Variants in AGBL4 observed in about 807,000 individuals in gnomAD.
AGBL4 encodes cytosolic carboxypeptidase 6.
AGBL4 carries 58 observed loss-of-function variants against 66.4 expected under a neutral mutation model. That is an observed-to-expected ratio of 0.87 (90% confidence interval 0.71 to 1.09). The LOEUF is 1.09. AGBL4 is among the 50% of genes least tolerant of loss of function. AGBL4 has a pLI of 0.00. For missense variants in AGBL4, 579 were observed against 631.0 expected (o/e 0.92, Z 0.88); for synonymous variants, 234 against 222.9 (o/e 1.05, Z -0.44).
intron 3 of AGBL4, among the ~76,000 whole-genome samples, chr1:49,584,646 ACT>A (rs1469764625): frequency 1.3e-5 from 2 of 151,968 alleles, no homozygotes; most frequent in East Asian, 3.9e-4. Flanking sequence ...GCTTATGAAG[ACT>A]CTCTTTAAGA....
intron 3 of AGBL4, among the ~76,000 whole-genome samples, chr1:49,548,961 G>T (rs1652732446): frequency 6.6e-6 from 1 of 151,902 alleles, no homozygotes. Context: ...TTTGTTATTG[G>T]TCTGTTCATG....
chr1:48,940,406 T>C (rs1324569692), intron 5 of AGBL4, among the ~76,000 whole-genome samples: 1 of 151,900 alleles, frequency 6.6e-6, no homozygotes, highest in African/African-American at 2.4e-5. Context: ...GTTGAGGAAA[T>C]TGGCAGAGTT....
chr1:49,621,290 G>A (rs907363660), intron 3 of AGBL4, among the ~76,000 whole-genome samples: 6 of 152,128 alleles, frequency 3.9e-5, no homozygotes, highest in Non-Finnish European at 5.9e-5. Flanking sequence ...AACTTGATGC[G>A]TCCACACTAC....
chr1:49,256,408 G>C (rs557368809), intron 3 of AGBL4, among the ~76,000 whole-genome samples: 3 of 152,058 alleles, frequency 2.0e-5, no homozygotes, highest in South Asian at 4.2e-4. Context: ...TAAACAATTA[G>C]AAAATAAAAT....
chr1:49,119,443 A>C (rs1047432235), intron 4 of AGBL4, among the ~76,000 whole-genome samples: 4 of 152,024 alleles, frequency 2.6e-5, no homozygotes, highest in African/African-American at 9.7e-5. Flanking sequence ...TTCTGCCTTC[A>C]TTTTGTTATT....
chr1:48,937,104 G>A (rs1655544261), intron 5 of AGBL4, among the ~76,000 whole-genome samples: 1 of 152,238 alleles, frequency 6.6e-6, no homozygotes, highest in South Asian at 2.1e-4. Flanking sequence ...ATCTTGAAGT[G>A]AGGCTGGCAG....
chr1:49,814,861 C>A (rs1036924705), intron 2 of AGBL4, among the ~76,000 whole-genome samples: 2 of 151,832 alleles, frequency 1.3e-5, no homozygotes, highest in Non-Finnish European at 2.9e-5. Context: ...TGAAAAGTAG[C>A]CATTAATTTT....
At chr1:49,042,843 T>G (rs1229994795) in intron 5 of AGBL4, among the ~76,000 whole-genome samples, 1 of 152,208 alleles carries the variant, frequency 6.6e-6, no homozygotes, top group Non-Finnish European at 1.5e-5. Context: ...TTGTTTTTCT[T>G]ATTAGCTTTT....
At chr1:49,510,806 A>G (rs1649161950) in intron 3 of AGBL4, among the ~76,000 whole-genome samples, 1 of 150,834 alleles carries the variant, frequency 6.6e-6, no homozygotes, top group Admixed American at 6.6e-5. Flanking sequence ...ACATATGGCT[A>G]GCCAGTTTTC....
At chr1:49,090,170 C>G (rs747446941) in intron 4 of AGBL4, among the ~76,000 whole-genome samples, 4 of 152,046 alleles carry the variant, frequency 2.6e-5, no homozygotes, top group Non-Finnish European at 2.9e-5. Context: ...TCTTTGAGAA[C>G]TGGAACAAGA....
chr1:49,187,945 A>G (rs1159886242), intron 4 of AGBL4, among the ~76,000 whole-genome samples: 2 of 152,106 alleles, frequency 1.3e-5, no homozygotes, highest in Non-Finnish European at 1.5e-5. Flanking sequence ...AGTCTTCCCT[A>G]TACTATTTTC....
chr1:49,662,757 C>T (rs761190450), intron 3 of AGBL4, among the ~76,000 whole-genome samples: 5 of 152,136 alleles, frequency 3.3e-5, no homozygotes, highest in Non-Finnish European at 7.4e-5. Flanking sequence ...TCTAACACTT[C>T]ATAAGCATTG....
At chr1:49,686,645 C>A (rs1294187527) in intron 3 of AGBL4, among the ~76,000 whole-genome samples, 5 of 152,120 alleles carry the variant, frequency 3.3e-5, no homozygotes, top group Non-Finnish European at 1.5e-5. Context: ...AACAGAAGAA[C>A]CTTATCTGTC....
chr1:48,751,254 T>A (rs1424241561), intron 6 of AGBL4, among the ~76,000 whole-genome samples: 1 of 152,142 alleles, frequency 6.6e-6, no homozygotes, highest in Non-Finnish European at 1.5e-5. Flanking sequence ...GCTTTTAAAT[T>A]AAGCAGGAAA....
At chr1:49,243,170 T>G (rs1443018204) in intron 4 of AGBL4, among the ~76,000 whole-genome samples, 2 of 151,718 alleles carry the variant, frequency 1.3e-5, no homozygotes, top group African/African-American at 4.8e-5. Context: ...TTATTTGGAA[T>G]ATCGAAGGAG....
rs117641873 is a variant in AGBL4 at position 49,079,291 on chromosome 1, C to T, written c.378-33491G>A. Among the ~76,000 whole-genome samples, 344 of 152,246 alleles carry T rather than the reference C, an allele frequency of 2.3e-3. 11 individuals are homozygous for T. In the East Asian group the frequency reaches 0.058, roughly 26 times the overall value. ...GTCAAGGTGTATTAATCCATTTTCA[C>T]ACTGCTACAAAGAAATACCTGAAAC... On this transcript the variant is annotated intron_variant, in intron 4 of 13. Coordinates refer to ENST00000371839, the MANE Select transcript of AGBL4 (RefSeq NM_032785.4).
chr1:49,301,226 C>T (rs1644739245), intron 3 of AGBL4, among the ~76,000 whole-genome samples: 1 of 152,142 alleles, frequency 6.6e-6, no homozygotes, highest in South Asian at 2.1e-4. Context: ...CAATTAGACC[C>T]TCTACTGATT....
chr1:49,504,161 T>TA (rs1648463196), intron 3 of AGBL4, among the ~76,000 whole-genome samples: 1 of 152,130 alleles, frequency 6.6e-6, no homozygotes, highest in Non-Finnish European at 1.5e-5. Flanking sequence ...GATAGTTTTA[T>TA]AATCATTGGC....
chr1:49,300,541 C>A (rs549106891), intron 3 of AGBL4, among the ~76,000 whole-genome samples: 1 of 152,010 alleles, frequency 6.6e-6, no homozygotes, highest in Admixed American at 6.6e-5. Flanking sequence ...AACAGGAGAC[C>A]CACAGGTCTC....
Sources: allele counts gnomAD v4.1 joint callset (sites outside exome capture counted in the v4.1 genomes callset), GRCh38; gene constraint gnomAD v4.1.1; transcripts MANE v1.5; gene names NCBI Gene and HGNC (gene_info 2026-07-23, HGNC 2026-07-21).